The following SPTBN5 variants were observed in gnomAD, a reference collection of about 807,000 sequenced individuals.
SPTBN5 encodes the protein spectrin beta, non-erythrocytic 5.
A neutral mutation model predicts 477.6 loss-of-function variants in SPTBN5; 513 were observed. That is an observed-to-expected ratio of 1.07 (90% confidence interval 1.00 to 1.16). SPTBN5 has a LOEUF of 1.16. Among genes scored for constraint, SPTBN5 ranks in the 50% most tolerant of loss-of-function variants. The pLI is 0.00. For missense variants in SPTBN5, 5,062 were observed against 4,731.8 expected, an observed-to-expected ratio of 1.07 and a Z score of -2.05; for synonymous variants, 2,169 against 2,011.7, an observed-to-expected ratio of 1.08 and a Z score of -2.09.
At chr15:41,889,150 A>C (rs1330508330) in intron 4 of SPTBN5, among the ~76,000 whole-genome samples, 1 of 152,160 alleles carries the variant, frequency 6.6e-6, no homozygotes, top group Admixed American at 6.5e-5. Context: ...TGAGGAGGTG[A>C]GTATGGCTTC....
chr15:41,850,393 CTA>C (rs554925325), intron 66 of SPTBN5: 262 of 233,350 alleles, frequency 1.1e-3, no homozygotes, highest in African/African-American at 5.4e-3. Flanking sequence ...AGGGTTGTCT[CTA>C]TATATTCCTC....
In SPTBN5 at chr15:41,866,051, C is replaced by G; in HGVS notation, c.6809G>C (p.Trp2270Ser). The part of the protein sequence containing the change: ...FLQRVDLAEA[W>S]IQEKEVKMNV... ...CTGGGGCTACACCTTCTCCTGGATC[C>G]AGGCCTCTGCAAGGTCCACTCTCTG... Residue 2270 changes from tryptophan (W) to serine (S), a missense_variant, in exon 38 of 68, where the codon TGG becomes TCG. Physicochemically the swap from Trp to Ser is radical, Grantham distance 177 (BLOSUM62 -3). Transcript: ENST00000320955. 1 of 1,554,566 alleles carries G rather than the reference C, an allele frequency of 6.4e-7. No individual in the cohort carries two copies.
Position 41,852,371 on chromosome 15 carries a change from C to T in SPTBN5, c.10450-55G>A, listed in dbSNP as rs907166751. 6.6e-6 allele frequency: 10 copies of T among 1,504,340 alleles called. No homozygotes were observed. In the African/African-American group the frequency reaches 1.1e-4, roughly 17 times the overall value. 93.2% of individuals were successfully genotyped at this position (1,504,340 alleles called of 1,614,324 possible). On this transcript the variant is annotated intron_variant, in intron 61 of 67. Transcript: ENST00000320955. Reference sequence around the variant, plus strand: ...AGCCAGGTCAGGGAGACCAGCCACACCTCAGGTTCCCGTCTACCTCCCCTC... The same window carrying T: ...AGCCAGGTCAGGGAGACCAGCCACATCTCAGGTTCCCGTCTACCTCCCCTC...
Position 41,866,886 on chromosome 15 carries a change from G to T in SPTBN5, c.6480+73C>A. Reference sequence around the variant, plus strand: ...GAACCTGTTTCCGCCTCACAGTGTTGCGGTGTGAAGGCGGCTGAAAACTGT... The same window carrying T: ...GAACCTGTTTCCGCCTCACAGTGTTTCGGTGTGAAGGCGGCTGAAAACTGT... On this transcript the variant is annotated intron_variant, in intron 36 of 67. Transcript: ENST00000320955. 2.7e-6 allele frequency: 4 copies of T among 1,467,236 alleles called. No homozygotes were observed. In the South Asian group the frequency reaches 5.4e-5, roughly 20 times the overall value. The allele number at this position is 1,467,236 out of a possible 1,614,324, so 90.9% of individuals were successfully genotyped here.
In SPTBN5 at chr15:41,871,772, C is replaced by G; in HGVS notation, c.5301+10G>C. On this transcript the variant is annotated intron_variant, in intron 28 of 67. Coordinates refer to ENST00000320955, the MANE Select transcript of SPTBN5 (RefSeq NM_016642.4). ...CAGGGCACCCTCCTTGACCCTGGCC[C>G]TCTTCTCACCAGGGCGTGCTCGGGG... is the stretch of plus-strand genomic sequence containing the variant. The G allele has an allele frequency of 6.4e-7, 1 of 1,569,848 alleles. No homozygotes were observed. Among genetic ancestry groups the G allele is most frequent in the Non-Finnish European group, 8.6e-7 (1 of 1,156,176 alleles).
In SPTBN5 at chr15:41,850,326, AAC is replaced by A. The variant is rs933760649; in HGVS notation, c.10922-369_10922-368del. ...GCTAGGATCCCAGACACATTCCCTG[AAC>A]ACACGGTCCACACGGAGCCTCAGCA... On this transcript the variant is annotated intron_variant, in intron 66 of 67. Transcript: ENST00000320955. The A allele has an allele frequency of 5.1e-5, 15 of 295,622 alleles. No homozygotes were observed. The East Asian group carries it at 1.0e-3, about 20-fold the overall frequency. 18.3% of individuals were successfully genotyped at this position (295,622 alleles called of 1,614,324 possible).
intron 18 of SPTBN5, 69 bp from the exon 19 acceptor site, chr15:41,877,017 C>A (rs1032429028): frequency 1.1e-5 from 17 of 1,587,382 alleles, no homozygotes; most frequent in Non-Finnish European, 1.4e-5. Flanking sequence ...CCGCCACTGC[C>A]CCAGGGGCCT....
At chr15:41,850,009 G>C (rs2065699013) in intron 66 of SPTBN5, 50 bp from the exon 67 acceptor site, 1 of 1,465,530 alleles carries the variant, frequency 6.8e-7, no homozygotes, top group Non-Finnish European at 9.4e-7. Context: ...ACCATCTGCA[G>C]GCGCCAGGTC....
At chr15:41,849,813 G>A (rs1434538043) in intron 67 of SPTBN5, 56 bp downstream of exon 67, 10 of 1,381,882 alleles carry the variant, frequency 7.2e-6, no homozygotes, top group Non-Finnish European at 1.0e-5. Flanking sequence ...GACAGCGCCT[G>A]CCAGCCACTG....
chr15:41,887,459 A>C lies in SPTBN5; in HGVS notation c.660-18T>G. ...GGTCTGGCCTGGACAGACAGTGAGA[A>C]GGGCTCTTCACCAGCAGGAACCTAC... On this transcript the variant is annotated intron_variant, in intron 5 of 67. Coordinates refer to ENST00000320955, the MANE Select transcript of SPTBN5 (RefSeq NM_016642.4). 6.5e-7 allele frequency: 1 copy of C among 1,538,746 alleles called. No individual in the cohort carries two copies. The highest frequency in any genetic ancestry group is 8.8e-7 in the Non-Finnish European group (1 of 1,136,546).
rs371788915 is a variant in SPTBN5, at chr15:41,851,089, C to A, written c.10805G>T (p.Arg3602Leu). 57 of 1,612,834 alleles carry A rather than the reference C, an allele frequency of 3.5e-5. No homozygotes were observed. In the African/African-American group the frequency reaches 5.1e-4, roughly 14 times the overall value. The change falls in exon 65 of 68, where the codon CGC (arginine) becomes CTC (leucine). Residue 3602 changes from arginine to leucine, a missense_variant. Transcript: ENST00000320955. ...GGAGAATGTGTGTTTCCTGCCGTGG[C>A]GGCCCCGCAGCCTCTCACACCGGGC... ...TGARCERLRGRHGRKHTFSLR... is the reference protein window; with the variant it reads ...TGARCERLRGLHGRKHTFSLR...
intron 16 of SPTBN5, among the ~76,000 whole-genome samples, chr15:41,878,963 G>A (rs890051346): frequency 5.9e-5 from 9 of 152,204 alleles, no homozygotes; most frequent in Admixed American, 1.3e-4. Flanking sequence ...CTACTTGGGA[G>A]GCTGAGGCAG....
At chr15:41,868,637 G>A in intron 32 of SPTBN5, 36 bp from the exon 33 acceptor site, 7 of 1,580,712 alleles carry the variant, frequency 4.4e-6, no homozygotes, top group Non-Finnish European at 6.0e-6. Context: ...GCCGGGTGAG[G>A]GCTGGGCTGG....
chr15:41,862,676 G>A lies in SPTBN5; in HGVS notation c.7264-16C>T, dbSNP rs2066154826. 1 of 1,546,240 alleles carries A rather than the reference G, an allele frequency of 6.5e-7. No homozygotes were observed. The highest frequency in any genetic ancestry group is 1.4e-5 in the African/African-American group (1 of 73,456). The stretch of plus-strand genomic sequence containing the variant: ...GCTCTAGGGACTGCGGGGGAAGCCG[G>A]GGTCAGAGGCTGGGGCAGGGGAGCT... On this transcript the variant is annotated splice_polypyrimidine_tract_variant and intron_variant, in intron 42 of 67. Coordinates refer to ENST00000320955, the MANE Select transcript of SPTBN5 (RefSeq NM_016642.4).
rs763293142 is a variant in SPTBN5 at position 41,852,906 on chromosome 15, A to G, written c.10265T>C (p.Leu3422Pro). The change falls in exon 60 of 68, where the codon CTG (leucine) becomes CCG (proline). Residue 3422 changes from leucine to proline, a missense_variant. Physicochemically the swap from Leu to Pro is moderately conservative, Grantham distance 98. Transcript: ENST00000320955. ...RWQRCAESWG[L>P]QKLRQRLEQA... ...CTCCAGCCTCTGCCGAAGCTTCTGC[A>G]GGCCCCAGCTCTCGGCACAGCGTTG... 2 of 1,606,076 alleles carry G rather than the reference A, an allele frequency of 1.2e-6. No individual in the cohort carries two copies. The highest frequency in any genetic ancestry group is 1.7e-6 in the Non-Finnish European group (2 of 1,176,244).
chr15:41,856,732 C>A, intron 52 of SPTBN5, 121 bp downstream of exon 52: 1 of 1,338,660 alleles, frequency 7.5e-7, no homozygotes, highest in Non-Finnish European at 1.0e-6. Flanking sequence ...CCAAAGAATC[C>A]AGGGCATCCC....
intron 32 of SPTBN5, among the ~76,000 whole-genome samples, chr15:41,869,051 C>G (rs896902827): frequency 1.3e-5 from 2 of 152,240 alleles, no homozygotes; most frequent in Non-Finnish European, 2.9e-5. Context: ...CTCTGAATTA[C>G]TAATTTAACC....
In SPTBN5 at chr15:41,861,891, G is replaced by T; in HGVS notation, c.7581C>A (p.Ser2527Arg). Reference sequence around the variant, plus strand: ...GTTGCTGCCCAGTGCTTCGGGCCAGGCTGATGCTGTCTGTCCAGGAGTCCA... The same window carrying T: ...GTTGCTGCCCAGTGCTTCGGGCCAGTCTGATGCTGTCTGTCCAGGAGTCCA... ...AELDSWTDSI[S>R]LARSTGQQLL... Residue 2527 changes from serine to arginine, a missense_variant, in exon 45 of 68, where the codon AGC becomes AGA. Physicochemically the swap from Ser to Arg is moderately radical, Grantham distance 110. Transcript: ENST00000320955. The T allele has an allele frequency of 6.2e-7, 1 of 1,607,612 alleles. No individual in the cohort carries two copies.
In SPTBN5 at chr15:41,866,504, TG is replaced by T. The variant is rs2066319834; in HGVS notation, c.6481-12del. ...GATCCAGTCCTCAGCCTGGTGGGGG[TG>T]GGACATGAATGCTGCAATGTTCTGC... On this transcript the variant is annotated splice_polypyrimidine_tract_variant and intron_variant, in intron 36 of 67. Transcript: ENST00000320955. 4 of 1,547,290 alleles carry T rather than the reference TG, an allele frequency of 2.6e-6. No individual in the cohort carries two copies. Among genetic ancestry groups the T allele is most frequent in the African/African-American group, 1.4e-5 (1 of 72,578 alleles).
Sources: allele counts gnomAD v4.1 joint callset (sites outside exome capture counted in the v4.1 genomes callset), GRCh38; gene constraint gnomAD v4.1.1; transcripts MANE v1.5; gene names NCBI Gene and HGNC (gene_info 2026-07-23, HGNC 2026-07-21).